The following COL4A2 variants were observed in gnomAD, a reference collection of about 807,000 sequenced individuals.
COL4A2 encodes the protein collagen alpha-2(IV) chain.
COL4A2 carries 99 observed loss-of-function variants against 200.2 expected under a neutral mutation model. The observed-to-expected ratio is 0.49, with a 90% CI of 0.42 to 0.58. The LOEUF (loss-of-function observed/expected upper bound fraction) is 0.58, where lower values mean the gene tolerates loss of function less well. Ranked by LOEUF, COL4A2 falls within the 20% of genes least tolerant of loss-of-function variation. The pLI, the probability that COL4A2 is intolerant of heterozygous loss-of-function variation, is 0.00. For missense variants in COL4A2, 1,950 were observed against 2,314.1 expected (o/e 0.84, Z 3.23); for synonymous variants, 897 against 900.6 (o/e 1.00, Z 0.07).
chr13:110,492,515 C>T (rs58890383), intron 38 of COL4A2, among the ~76,000 whole-genome samples: 2 of 152,314 alleles, frequency 1.3e-5, no homozygotes, highest in East Asian at 3.9e-4. Flanking sequence ...CTCAGTGTAC[C>T]ACTGTGCTGC....
intron 32 of COL4A2, among the ~76,000 whole-genome samples, chr13:110,483,149 GC>G (rs1882993997): frequency 6.6e-6 from 1 of 152,146 alleles, no homozygotes; most frequent in Non-Finnish European, 1.5e-5. Context: ...CCCACGTAAG[GC>G]CCCTCGTTCA....
chr13:110,407,018 G>A (rs545985834), intron 4 of COL4A2, among the ~76,000 whole-genome samples: 9 of 152,304 alleles, frequency 5.9e-5, no homozygotes, highest in Admixed American at 3.9e-4. Flanking sequence ...AGCCCACCCC[G>A]ATCGCCTCCT....
Position 110,357,522 on chromosome 13 carries a change from C to A in COL4A2, c.150C>A (p.Gly50=). The A allele has an allele frequency of 6.3e-7, 1 of 1,591,630 alleles. No individual in the cohort carries two copies. Among genetic ancestry groups the A allele is most frequent in the East Asian group, 2.3e-5 (1 of 44,014 alleles). The change falls in exon 4 of 48, where the codon GGC becomes GGA. Residue 50 remains glycine, a synonymous_variant. Transcript: ENST00000360467. ...GTGGAGGAAGAGATTGCAGTGGGGG[C>A]TGCCAGTGCTACCCTGAGAAAGGTG... ...VPCGGRDCSG[G]CQCYPEKGGR...
At chr13:110,309,093 GC>G (rs1884901273) in intron 3 of COL4A2, among the ~76,000 whole-genome samples, 1 of 152,188 alleles carries the variant, frequency 6.6e-6, no homozygotes. Flanking sequence ...GGTACAAAGG[GC>G]AAACGTGTTC....
chr13:110,467,094 C>G lies in COL4A2; in HGVS notation c.2093C>G (p.Thr698Arg), dbSNP rs778506428. 3 of 1,613,960 alleles carry G rather than the reference C, an allele frequency of 1.9e-6. No homozygotes were observed. Among genetic ancestry groups the G allele is most frequent in the Non-Finnish European group, 2.5e-6 (3 of 1,180,010 alleles). The change falls in exon 27 of 48, where the codon ACA (threonine) becomes AGA (arginine). Residue 698 changes from threonine (T) to arginine (R), a missense_variant and splice_region_variant. By Grantham distance (71) the Thr-to-Arg change is moderately conservative. Coordinates refer to ENST00000360467, the MANE Select transcript of COL4A2 (RefSeq NM_001846.4). ...LPGLPGPPGPTGAKGLRGIPG... is the reference protein window; with the variant it reads ...LPGLPGPPGPRGAKGLRGIPG... ...GGCCTGCCAGGACCCCCAGGCCCCA[C>G]AGGTAATGCACGGAGGGAACCTGGA...
Position 110,446,806 on chromosome 13 carries a change from C to A in COL4A2, c.1020C>A (p.Ala340=). 1 of 1,612,134 alleles carries A rather than the reference C, an allele frequency of 6.2e-7. No individual in the cohort carries two copies. Among genetic ancestry groups the A allele is most frequent in the Non-Finnish European group, 8.5e-7 (1 of 1,178,496 alleles). Residue 340 remains alanine (A), a synonymous_variant, in exon 18 of 48, where the codon GCC becomes GCA. Transcript: ENST00000360467. ...PDGPRGPKGE[A]GDPGPPGLPA... is the part of the protein sequence containing the mutation. ...CTCTTTTCTTTCTCTAGGGAGAAGC[C>A]GGAGACCCAGGGCCCCCTGGACTAC... is the stretch of plus-strand genomic sequence containing the variant.
chr13:110,350,635 ACTAT>A (rs1876915698), intron 3 of COL4A2, among the ~76,000 whole-genome samples: 4 of 152,156 alleles, frequency 2.6e-5, no homozygotes, highest in African/African-American at 9.7e-5. Flanking sequence ...CAGCTTTCTC[ACTAT>A]CTCTAAACAA....
rs1335366507 is a variant in COL4A2 at position 110,482,506 on chromosome 13, T to A, written c.2759-10T>A. The A allele has an allele frequency of 1.2e-6, 2 of 1,612,942 alleles. No individual in the cohort carries two copies. Among genetic ancestry groups the A allele is most frequent in the African/African-American group, 2.7e-5 (2 of 74,912 alleles). Reference sequence around the variant, plus strand: ...TGTCTAACCCAGCACTTTTCTCTTTTCCTCTGAAGGAGATAGAGGCTCACC... The same window carrying A: ...TGTCTAACCCAGCACTTTTCTCTTTACCTCTGAAGGAGATAGAGGCTCACC... On this transcript the variant is annotated splice_polypyrimidine_tract_variant and intron_variant, in intron 31 of 47. Transcript: ENST00000360467.
intron 20 of COL4A2, among the ~76,000 whole-genome samples, chr13:110,454,728 C>T (rs538335818): frequency 3.3e-5 from 5 of 152,250 alleles, no homozygotes; most frequent in East Asian, 3.9e-4. Context: ...CGGATGAACT[C>T]GTCCTCCACA....
intron 22 of COL4A2, 27 bp downstream of exon 22, chr13:110,458,961 G>T (rs564925504): frequency 1.3e-6 from 2 of 1,516,266 alleles, no homozygotes; most frequent in Admixed American, 4.6e-5. Flanking sequence ...TCATGAAGCT[G>T]GCAAGACACT....
chr13:110,320,727 A>G (rs1885253792), intron 3 of COL4A2, among the ~76,000 whole-genome samples: 1 of 152,236 alleles, frequency 6.6e-6, no homozygotes, highest in Non-Finnish European at 1.5e-5. Context: ...TCATAGGTAG[A>G]TAGAATTCAT....
intron 4 of COL4A2, among the ~76,000 whole-genome samples, chr13:110,399,411 T>C (rs1879294995): frequency 6.6e-6 from 1 of 152,252 alleles, no homozygotes; most frequent in Non-Finnish European, 1.5e-5. Flanking sequence ...AGCTCCCGTA[T>C]TGACTTGGTC....
intron 38 of COL4A2, among the ~76,000 whole-genome samples, chr13:110,492,637 T>C (rs1413536873): frequency 6.6e-6 from 1 of 152,188 alleles, no homozygotes; most frequent in African/African-American, 2.4e-5. Context: ...GCTTTAGAAA[T>C]ATTTACCCTC....
chr13:110,509,268 T>TACACACACACACAC (rs1474219877), intron 47 of COL4A2, among the ~76,000 whole-genome samples: 6 of 120,580 alleles, frequency 5.0e-5, no homozygotes, highest in African/African-American at 2.3e-4. Flanking sequence ...TATATATATA[T>TACACACACACACAC]ATACACACAC....
intron 4 of COL4A2, among the ~76,000 whole-genome samples, chr13:110,422,123 C>T (rs1004697490): frequency 2.6e-5 from 4 of 152,112 alleles, no homozygotes; most frequent in Non-Finnish European, 4.4e-5. Context: ...ACATTTTATC[C>T]CCCAGAAGAC....
chr13:110,506,653 G>A lies in COL4A2; in HGVS notation c.4594+47G>A, dbSNP rs374860541. The A allele has an allele frequency of 5.3e-5, 80 of 1,522,308 alleles. 1 individual carries two copies. In the African/African-American group the frequency reaches 7.2e-4, roughly 14 times the overall value. 94.3% of individuals were successfully genotyped at this position (1,522,308 alleles called of 1,614,324 possible). On this transcript the variant is annotated intron_variant, in intron 46 of 47. Coordinates refer to ENST00000360467, the MANE Select transcript of COL4A2 (RefSeq NM_001846.4). ...CCCGTTGCCTGCTCAGGGCTGGCCC[G>A]GAAGTGGCCAAGATCAAAGGGCCAC...
chr13:110,371,987 C>T (rs1441013407), intron 4 of COL4A2, among the ~76,000 whole-genome samples: 25 of 152,150 alleles, frequency 1.6e-4, no homozygotes, highest in Admixed American at 1.6e-3. Context: ...GCCGGAACCA[C>T]ATTTGCACCC....
At chr13:110,457,770 C>T (rs1881831814) in intron 21 of COL4A2, 7 of 492,412 alleles carry the variant, frequency 1.4e-5, no homozygotes, top group South Asian at 1.1e-4. Context: ...CAGGTAGTGT[C>T]TCAAGGGCTC....
At position 110,479,554 on chromosome 13, in the gene COL4A2, G is replaced by A. The variant is rs191842847; in HGVS notation, c.2588-666G>A. ...AGGGGGCTGGGGGTTTAGATAAGAAGATTGAGCCAAAGGTTGGGAGCAGTG... is the reference window on the plus strand; with the variant it reads ...AGGGGGCTGGGGGTTTAGATAAGAAAATTGAGCCAAAGGTTGGGAGCAGTG... On this transcript the variant is annotated intron_variant, in intron 30 of 47. Coordinates refer to ENST00000360467, the MANE Select transcript of COL4A2 (RefSeq NM_001846.4). Among the ~76,000 whole-genome samples the A allele has an allele frequency of 8.9e-3, 655 of 73,266 alleles. 1 individual carries two copies. The highest frequency in any genetic ancestry group is 0.028 in the African/African-American group (626 of 22,170). The allele number at this position is 73,266 out of a possible 152,430, so 48.1% of individuals were successfully genotyped here.
Sources: gnomAD v4.1 joint callset for allele counts (sites outside exome capture counted in the v4.1 genomes callset) on GRCh38, gnomAD v4.1.1 for gene constraint, MANE v1.5 for transcripts, NCBI Gene and HGNC (gene_info 2026-07-23, HGNC 2026-07-21) for gene names.